Variants in SUGP1 observed in about 807,000 individuals in gnomAD.
SUGP1 encodes the protein SURP and G-patch domain containing 1.
In SUGP1, 34 loss-of-function variants were observed where a neutral mutation model predicts 76.5. That is an observed-to-expected ratio of 0.44 (90% CI 0.34 to 0.59). SUGP1 has a LOEUF of 0.59. Ranked by LOEUF, SUGP1 falls within the 20% of genes least tolerant of loss-of-function variation. The pLI is 0.01. For synonymous variants in SUGP1, 326 were observed against 326.2 expected, an observed-to-expected ratio of 1.00 and a Z score of 0.01; for missense variants, 752 against 851.7, an observed-to-expected ratio of 0.88 and a Z score of 1.46.
chr19:19,276,573 G>A lies in SUGP1; in HGVS notation c.*75C>T, dbSNP rs77883495. ...GGCACTCGTGACAACGGAAGGGGTGGGCAGAAATGCAGGCCGGAACATTCC... is the reference window on the plus strand; with the variant it reads ...GGCACTCGTGACAACGGAAGGGGTGAGCAGAAATGCAGGCCGGAACATTCC... On this transcript the variant is annotated 3_prime_UTR_variant, in exon 14 of 14. Transcript: ENST00000247001. The A allele has an allele frequency of 6.3e-7, 1 of 1,578,524 alleles. No individual in the cohort carries two copies. The highest frequency in any genetic ancestry group is 1.1e-5 in the South Asian group (1 of 89,934).
chr19:19,314,752 T>C (rs1194958192), intron 2 of SUGP1, among the ~76,000 whole-genome samples: 6 of 152,156 alleles, frequency 3.9e-5, no homozygotes, highest in Non-Finnish European at 7.4e-5. Context: ...TGCTGGTTCT[T>C]GGCCGGGTGC....
chr19:19,300,623 T>C (rs1047953287), intron 7 of SUGP1, among the ~76,000 whole-genome samples: 3 of 152,194 alleles, frequency 2.0e-5, no homozygotes, highest in Non-Finnish European at 4.4e-5. Context: ...CTGCAGGGGC[T>C]TGAATACCTG....
chr19:19,277,565 T>C (rs576246420), intron 12 of SUGP1, among the ~76,000 whole-genome samples, 169 bp downstream of exon 12: 1 of 152,304 alleles, frequency 6.6e-6, no homozygotes, highest in South Asian at 2.1e-4. Flanking sequence ...CCAGCCCGTA[T>C]GGCCTCCTGC....
intron 6 of SUGP1, among the ~76,000 whole-genome samples, chr19:19,302,884 C>G (rs988497584): frequency 4.6e-5 from 7 of 152,146 alleles, no homozygotes; most frequent in African/African-American, 1.7e-4. Context: ...CAGTATTTCC[C>G]CTTCCCCTGA....
At chr19:19,282,987 G>C (rs992504705) in intron 8 of SUGP1, among the ~76,000 whole-genome samples, 21 of 151,712 alleles carry the variant, frequency 1.4e-4, no homozygotes, top group African/African-American at 4.8e-4. Flanking sequence ...TGAAGTAGGA[G>C]AATGGTGTGA....
chr19:19,308,986 C>T lies in SUGP1; in HGVS notation c.310+1111G>A, dbSNP rs912582794. 3.9e-5 allele frequency among the ~76,000 whole-genome samples: 6 copies of T among 152,288 alleles called. No individual in the cohort carries two copies. The East Asian group carries it at 1.2e-3, about 30-fold the overall frequency. ...GGTTCAACCGATTCCCCTGCCTCAGCCTCCCGAGTAGCTGGGATTACAGGC... is the reference window on the plus strand; with the variant it reads ...GGTTCAACCGATTCCCCTGCCTCAGTCTCCCGAGTAGCTGGGATTACAGGC... On this transcript the variant is annotated intron_variant, in intron 3 of 13. Transcript: ENST00000247001.
At chr19:19,306,907 A>C (rs1234296577) in intron 3 of SUGP1, among the ~76,000 whole-genome samples, 3 of 152,162 alleles carry the variant, frequency 2.0e-5, no homozygotes, top group African/African-American at 7.2e-5. Context: ...GGGATGGGGC[A>C]AGGCTGGTGT....
At chr19:19,288,171 GGTCT>G (rs1294352700) in intron 8 of SUGP1, among the ~76,000 whole-genome samples, 9 of 151,982 alleles carry the variant, frequency 5.9e-5, no homozygotes, top group African/African-American at 1.9e-4. Context: ...AAAGAGGCAG[GGTCT>G]GTCTGGTTGC....
chr19:19,276,612 G>A lies in SUGP1; in HGVS notation c.*36C>T, dbSNP rs756384982. 13 of 1,613,348 alleles carry A rather than the reference G, an allele frequency of 8.1e-6. No individual in the cohort carries two copies. The highest frequency in any genetic ancestry group is 2.2e-5 in the East Asian group (1 of 44,886). ...CCGGAACATTCCACAGTCCAGGGAC[G>A]GTTGGTCATTCAGAAAGTATGTATT... On this transcript the variant is annotated 3_prime_UTR_variant, in exon 14 of 14. Coordinates refer to ENST00000247001, the MANE Select transcript of SUGP1 (RefSeq NM_172231.4).
chr19:19,280,371 T>A, intron 8 of SUGP1, 80 bp from the exon 9 acceptor site: 1 of 1,242,034 alleles, frequency 8.1e-7, no homozygotes, highest in Non-Finnish European at 1.2e-6. Flanking sequence ...GTGCTGTGAG[T>A]CTCACACCTT....
chr19:19,278,853 C>A (rs900056376), intron 10 of SUGP1, 57 bp from the exon 11 acceptor site: 8 of 1,543,610 alleles, frequency 5.2e-6, no homozygotes, highest in East Asian at 4.8e-5. Context: ...GGGGAGCAGG[C>A]CTGGTGGCTC....
intron 7 of SUGP1, among the ~76,000 whole-genome samples, chr19:19,298,366 T>C (rs1184936854): frequency 6.6e-6 from 1 of 152,054 alleles, no homozygotes; most frequent in Admixed American, 6.6e-5. Flanking sequence ...GGCGTGGTGG[T>C]ACACGCCTGT....
At chr19:19,313,845 T>C (rs2061370053) in intron 2 of SUGP1, among the ~76,000 whole-genome samples, 2 of 151,608 alleles carry the variant, frequency 1.3e-5, no homozygotes, top group South Asian at 4.2e-4. Context: ...TCAACTAAAA[T>C]ACAAAAAAAT....
Position 19,302,296 on chromosome 19 carries a change from G to A in SUGP1, c.856C>T (p.Leu286Phe), listed in dbSNP as rs772633982. 16 of 1,614,204 alleles carry A rather than the reference G, an allele frequency of 9.9e-6. 1 individual carries two copies. In the South Asian group the frequency reaches 1.5e-4, roughly 16 times the overall value. ...GCCTGGTTCTCACGGTTGTTCTGGA[G>A]GGCAATGGTTTCCACCTCGGGACCC... is the stretch of plus-strand genomic sequence containing the variant. ...DGGPEVETIALQNNRENQAFS... is the reference protein window; with the variant it reads ...DGGPEVETIAFQNNRENQAFS... Residue 286 changes from leucine to phenylalanine, a missense_variant, in exon 7 of 14, where the codon CTC becomes TTC. Around this residue, in one of 2 missense-constraint regions of SUGP1, gnomAD observed 620 missense variants for 617.3 expected, o/e 1.00. Coordinates refer to ENST00000247001, the MANE Select transcript of SUGP1 (RefSeq NM_172231.4).
Position 19,277,271 on chromosome 19 carries a change from C to T in SUGP1, c.1782-195G>A, listed in dbSNP as rs569403633. Among the ~76,000 whole-genome samples the T allele has an allele frequency of 1.3e-5, 2 of 149,794 alleles. 1 individual carries two copies. Among genetic ancestry groups the T allele is most frequent in the South Asian group, 4.2e-4 (2 of 4,764 alleles). On this transcript the variant is annotated intron_variant, in intron 12 of 13. Transcript: ENST00000247001. Reference sequence around the variant, plus strand: ...GCGGGCGGGGGGGGGGGGCCTAGGCCCCAGGGTCCCACACAGGAAGGAGGA... The same window carrying T: ...GCGGGCGGGGGGGGGGGGCCTAGGCTCCAGGGTCCCACACAGGAAGGAGGA...
chr19:19,280,096 G>T, intron 9 of SUGP1, 89 bp downstream of exon 9: 1 of 1,271,676 alleles, frequency 7.9e-7, no homozygotes, highest in Non-Finnish European at 1.1e-6. Flanking sequence ...CGAAGCACAT[G>T]AACCCCTGTG....
intron 7 of SUGP1, among the ~76,000 whole-genome samples, chr19:19,298,119 G>A (rs1195800004): frequency 6.6e-6 from 1 of 152,236 alleles, no homozygotes; most frequent in African/African-American, 2.4e-5. Context: ...GGCTGGACCT[G>A]CACTTGTGAA....
chr19:19,318,084 TAC>T (rs1166707314), intron 1 of SUGP1, among the ~76,000 whole-genome samples: 1 of 151,314 alleles, frequency 6.6e-6, no homozygotes, highest in East Asian at 1.9e-4. Context: ...GCGCTGGAAT[TAC>T]AGGCGTGAGC....
At chr19:19,319,440 G>A (rs1325308434) in intron 1 of SUGP1, among the ~76,000 whole-genome samples, 1 of 151,170 alleles carries the variant, frequency 6.6e-6, no homozygotes, top group Non-Finnish European at 1.5e-5. Context: ...GCTTGAAAAG[G>A]CCTTTCCCTG....
Sources: gnomAD v4.1 joint callset for allele counts (sites outside exome capture counted in the v4.1 genomes callset) on GRCh38, gnomAD v4.1.1 for gene constraint, gnomAD v4.1.1 regional missense constraint, MANE v1.5 for transcripts, NCBI Gene and HGNC (gene_info 2026-07-23, HGNC 2026-07-21) for gene names.